SGTA: variants seen among roughly 807,000 people sequenced by gnomAD.
SGTA encodes the protein small glutamine-rich tetratricopeptide repeat-containing protein alpha.
SGTA carries 22 observed loss-of-function variants against 44.3 expected under a neutral mutation model. The ratio of observed to expected loss-of-function variants is 0.50; its 90% CI spans 0.36 to 0.71. SGTA has a LOEUF of 0.71. SGTA is among the 30% of genes least tolerant of loss of function. The probability of loss-of-function intolerance (pLI) is 0.00; values close to 1 mark genes in which losing one functional copy is unlikely to be tolerated. For synonymous variants in SGTA, 174 were observed against 177.6 expected (o/e 0.98, Z 0.16); for missense variants, 341 against 435.9 (o/e 0.78, Z 1.94).
rs766329789 is a variant in SGTA at position 2,769,011 on chromosome 19, G to T, written c.58C>A (p.Arg20=). The part of the protein sequence containing the change: ...AIIQFLHDQL[R]HGGLSSDAQE... ...GCATCGGACGAGAGGCCCCCGTGCC[G>T]GAGCTGGTCATGCAGGAACTGGATG... The change falls in exon 2 of 12, where the codon CGG becomes AGG. Residue 20 remains arginine, a synonymous_variant. Coordinates refer to ENST00000221566, the MANE Select transcript of SGTA (RefSeq NM_003021.4). 1 of 1,613,854 alleles carries T rather than the reference G, an allele frequency of 6.2e-7. No individual in the cohort carries two copies. The highest frequency in any genetic ancestry group is 8.5e-7 in the Non-Finnish European group (1 of 1,179,954).
chr19:2,763,124 T>C lies in SGTA; in HGVS notation c.498-480A>G, dbSNP rs368781989. ...ACAGAGCCCAGGAGGAGGCGGGTCCTGGGGAGACTGGGCAGTTGAACAGGG... is the reference window on the plus strand; with the variant it reads ...ACAGAGCCCAGGAGGAGGCGGGTCCCGGGGAGACTGGGCAGTTGAACAGGG... On this transcript the variant is annotated intron_variant, in intron 6 of 11. Coordinates refer to ENST00000221566, the MANE Select transcript of SGTA (RefSeq NM_003021.4). The surrounding 1 kb of genome is among the most constrained non-coding windows in gnomAD (Gnocchi z 5.8). Among the ~76,000 whole-genome samples, 37 of 152,212 alleles carry C rather than the reference T, an allele frequency of 2.4e-4. No individual in the cohort carries two copies. The East Asian group carries it at 3.9e-3, about 16-fold the overall frequency.
In SGTA at chr19:2,761,646, G is replaced by A; in HGVS notation, c.637-124C>T. The A allele has an allele frequency of 1.2e-6, 1 of 809,932 alleles. No individual in the cohort carries two copies. Among genetic ancestry groups the A allele is most frequent in the Non-Finnish European group, 2.0e-6 (1 of 496,132 alleles). 50.2% of individuals were successfully genotyped at this position (809,932 alleles called of 1,614,324 possible). On this transcript the variant is annotated intron_variant, in intron 7 of 11. Coordinates refer to ENST00000221566, the MANE Select transcript of SGTA (RefSeq NM_003021.4). This position sits in a 1 kb window ranked among gnomAD's most constrained non-coding sequence, Gnocchi z 5.7. ...ACATTCTATCAACCCTGCGGCCAGA[G>A]GGTGCTTTGAGGCAGGCAGCACGAA...
At chr19:2,756,900 G>A (rs1914834571) in intron 11 of SGTA, among the ~76,000 whole-genome samples, 9 of 152,204 alleles carry the variant, frequency 5.9e-5, no homozygotes, top group Admixed American at 5.9e-4. Context: ...CTCGGGCGCA[G>A]TCAAAGGCAG....
rs377026231 is a variant in SGTA at position 2,763,754 on chromosome 19, G to A, written c.396C>T (p.Ala132=). Reference sequence around the variant, plus strand: ...AGTTGCCGAGTTTGCTGTAGGCTGCGGCTCTGGGGAAGAAAAGGCAGGGCA... The same window carrying A: ...AGTTGCCGAGTTTGCTGTAGGCTGCAGCTCTGGGGAAGAAAAGGCAGGGCA... The part of the protein sequence containing the change: ...PANAVYFCNR[A]AAYSKLGNYA... The change falls in exon 6 of 12, where the codon GCC becomes GCT. Residue 132 remains alanine, a synonymous_variant. Coordinates refer to ENST00000221566, the MANE Select transcript of SGTA (RefSeq NM_003021.4). This position sits in a 1 kb window ranked among gnomAD's most constrained non-coding sequence, Gnocchi z 5.8. The A allele has an allele frequency of 5.4e-5, 87 of 1,612,910 alleles. No homozygotes were observed. The highest frequency in any genetic ancestry group is 3.7e-4 in the South Asian group (34 of 90,894).
rs1915069772 is a variant in SGTA at position 2,763,825 on chromosome 19, G to A, written c.393-68C>T. On this transcript the variant is annotated intron_variant, in intron 5 of 11. Transcript: ENST00000221566. This position sits in a 1 kb window ranked among gnomAD's most constrained non-coding sequence, Gnocchi z 5.8. ...GAGCCCAGCGGGCAGCCCTTGAGGG[G>A]AGCCTGAGAGCTGCGTTCCTCTCCA... is the stretch of plus-strand genomic sequence containing the variant. The A allele has an allele frequency of 1.6e-6, 2 of 1,237,260 alleles. No individual in the cohort carries two copies. The highest frequency in any genetic ancestry group is 1.5e-5 in the African/African-American group (1 of 67,068). The allele number at this position is 1,237,260 out of a possible 1,614,324, so 76.6% of individuals were successfully genotyped here.
At chr19:2,772,473 C>T (rs1293482274) in intron 1 of SGTA, among the ~76,000 whole-genome samples, 1 of 152,238 alleles carries the variant, frequency 6.6e-6, no homozygotes, top group Non-Finnish European at 1.5e-5. Context: ...CACTCCCCAG[C>T]TGGGCCCCAG....
Position 2,779,330 on chromosome 19 carries a change from T to A in SGTA, c.-24+3903A>T, listed in dbSNP as rs997807406. On this transcript the variant is annotated intron_variant, in intron 1 of 11. Transcript: ENST00000221566. Reference sequence around the variant, plus strand: ...CCCAGCATGTGACACAGGCCAGTGGTGCCAGGACCTGTGGCTTCTCTGCTG... The same window carrying A: ...CCCAGCATGTGACACAGGCCAGTGGAGCCAGGACCTGTGGCTTCTCTGCTG... Among the ~76,000 whole-genome samples the A allele has an allele frequency of 5.3e-5, 8 of 152,254 alleles. No homozygotes were observed. In the East Asian group the frequency reaches 1.5e-3, roughly 29 times the overall value.
intron 1 of SGTA, among the ~76,000 whole-genome samples, chr19:2,775,895 G>A (rs1274165855): frequency 7.2e-5 from 11 of 152,212 alleles, no homozygotes; most frequent in East Asian, 1.9e-4. Context: ...GTTTTGTGTC[G>A]CTGGACAGGG....
chr19:2,771,592 G>A (rs931798140), intron 1 of SGTA, among the ~76,000 whole-genome samples: 1 of 151,142 alleles, frequency 6.6e-6, no homozygotes, highest in African/African-American at 2.4e-5. Context: ...GGGGGGAGGG[G>A]TACGAGACCA....
In SGTA at chr19:2,761,282, G is replaced by A. The variant is rs1041235815; in HGVS notation, c.699+178C>T. Among the ~76,000 whole-genome samples, 2 of 152,176 alleles carry A rather than the reference G, an allele frequency of 1.3e-5. No individual in the cohort carries two copies. Among genetic ancestry groups the A allele is most frequent in the Admixed American group, 6.5e-5 (1 of 15,284 alleles). ...GGTGCTCCTGACATGGGGCGGGTGA[G>A]GCCAGGGGTGCTGCCAGCGCCCTGC... is the stretch of plus-strand genomic sequence containing the variant. On this transcript the variant is annotated intron_variant, in intron 8 of 11. Transcript: ENST00000221566. This position sits in a 1 kb window ranked among gnomAD's most constrained non-coding sequence, Gnocchi z 5.7.
chr19:2,765,285 C>T lies in SGTA; in HGVS notation c.293G>A (p.Gly98Glu). Residue 98 changes from glycine (G) to glutamate (E), a missense_variant and splice_region_variant, in exon 5 of 12, where the codon GGA (glycine) becomes GAA (glutamate). Gly to Glu is a moderately conservative substitution (Grantham distance 98). Transcript: ENST00000221566. This position sits in a 1 kb window ranked among gnomAD's most constrained non-coding sequence, Gnocchi z 5.5. The part of the protein sequence containing the change: ...SAEAERLKTE[G>E]NEQMKVENFE... ...GTTTTCCACTTTCATCTGCTCGTTT[C>T]CTACAGGGAGAGAGGAAAACACCGG... 1 of 1,607,440 alleles carries T rather than the reference C, an allele frequency of 6.2e-7. No homozygotes were observed. The highest frequency in any genetic ancestry group is 8.5e-7 in the Non-Finnish European group (1 of 1,178,330).
intron 1 of SGTA, among the ~76,000 whole-genome samples, chr19:2,779,704 G>A (rs539966671): frequency 1.3e-5 from 2 of 152,328 alleles, no homozygotes; most frequent in Non-Finnish European, 2.9e-5. Context: ...GGGCTTCAGC[G>A]TCCCTTTCGG....
chr19:2,776,309 C>T (rs758667342), intron 1 of SGTA, among the ~76,000 whole-genome samples: 5 of 152,216 alleles, frequency 3.3e-5, no homozygotes, highest in Non-Finnish European at 5.9e-5. Context: ...CAAGTGTCCA[C>T]GGACAGGTGA....
chr19:2,757,433 C>T lies in SGTA; in HGVS notation c.852G>A (p.Met284Ile). ...IQAGQQFAQQ[M>I]QQQNPELIEQ... Reference sequence around the variant, plus strand: ...CTATCAACTCTGGGTTCTGCTGCTGCATCTGCTGGGCAAACTGCTGGCCCC... The same window carrying T: ...CTATCAACTCTGGGTTCTGCTGCTGTATCTGCTGGGCAAACTGCTGGCCCC... The change falls in exon 11 of 12, where the codon ATG (methionine) becomes ATA (isoleucine). Residue 284 changes from methionine to isoleucine, a missense_variant. Coordinates refer to ENST00000221566, the MANE Select transcript of SGTA (RefSeq NM_003021.4). 6.2e-7 allele frequency: 1 copy of T among 1,609,042 alleles called. No individual in the cohort carries two copies. The highest frequency in any genetic ancestry group is 8.5e-7 in the Non-Finnish European group (1 of 1,179,926).
At chr19:2,774,135 T>C (rs1013537090) in intron 1 of SGTA, among the ~76,000 whole-genome samples, 1 of 152,194 alleles carries the variant, frequency 6.6e-6, no homozygotes, top group African/African-American at 2.4e-5. Flanking sequence ...GCCTGGTCTA[T>C]GGCACTCTGT....
intron 1 of SGTA, among the ~76,000 whole-genome samples, chr19:2,777,308 T>C (rs902423298): frequency 6.0e-5 from 9 of 149,834 alleles, no homozygotes; most frequent in Non-Finnish European, 1.3e-4. Flanking sequence ...CAGCAGCACT[T>C]CGGGAGGCCA....
In SGTA at chr19:2,761,177, C is replaced by T. The variant is rs1394855266; in HGVS notation, c.699+283G>A. Among the ~76,000 whole-genome samples, 3 of 152,192 alleles carry T rather than the reference C, an allele frequency of 2.0e-5. No individual in the cohort carries two copies. The highest frequency in any genetic ancestry group is 4.4e-5 in the Non-Finnish European group (3 of 68,044). On this transcript the variant is annotated intron_variant, in intron 8 of 11. Transcript: ENST00000221566. The surrounding 1 kb of genome is among the most constrained non-coding windows in gnomAD (Gnocchi z 5.7). The stretch of plus-strand genomic sequence containing the variant: ...CCCTGGGCTCAGCCAGGAGAGCCAG[C>T]TTTTGGTGCTCACTACTGATGGGTC...
In SGTA at chr19:2,761,846, C is replaced by T. The variant is rs563063777; in HGVS notation, c.637-324G>A. 3.3e-3 allele frequency among the ~76,000 whole-genome samples: 499 copies of T among 150,220 alleles called. No homozygotes were observed. Among genetic ancestry groups the T allele is most frequent in the Middle Eastern group, 0.014 (4 of 292 alleles). Reference sequence around the variant, plus strand: ...GTGTTTATTCCCCGCACAGCGCGACCGCCCGGGGACGGCACAGTCTATCAT... The same window carrying T: ...GTGTTTATTCCCCGCACAGCGCGACTGCCCGGGGACGGCACAGTCTATCAT... On this transcript the variant is annotated intron_variant, in intron 7 of 11. Transcript: ENST00000221566. The surrounding 1 kb of genome is among the most constrained non-coding windows in gnomAD (Gnocchi z 5.7).
At chr19:2,766,454 C>T (rs968182007) in intron 4 of SGTA, among the ~76,000 whole-genome samples, 16 of 150,858 alleles carry the variant, frequency 1.1e-4, no homozygotes, top group South Asian at 4.2e-4. Flanking sequence ...TTTTTTGAGA[C>T]GGAGTTTCAC....
Sources: allele counts gnomAD v4.1 joint callset (sites outside exome capture counted in the v4.1 genomes callset), GRCh38; gene constraint gnomAD v4.1.1; non-coding constraint Gnocchi (gnomAD v3.1); transcripts MANE v1.5; gene names NCBI Gene and HGNC (gene_info 2026-07-23, HGNC 2026-07-21).